The following PARP10 variants were observed in gnomAD, a reference collection of about 807,000 sequenced individuals.
PARP10 encodes poly(ADP-ribose) polymerase family member 10.
In PARP10, 56 loss-of-function variants were observed where a neutral mutation model predicts 82.4. The observed-to-expected ratio is 0.68, with a 90% CI of 0.55 to 0.85. The LOEUF (loss-of-function observed/expected upper bound fraction) is 0.85, where lower values mean the gene tolerates loss of function less well. PARP10 is among the 40% of genes least tolerant of loss of function. The probability of loss-of-function intolerance (pLI) is 0.00; values close to 1 mark genes in which losing one functional copy is unlikely to be tolerated. For missense variants in PARP10, 1,227 were observed against 1,379.4 expected (o/e 0.89, Z 1.75); for synonymous variants, 576 against 601.1 (o/e 0.96, Z 0.61).
At chr8:143,980,015 A>T (rs1833810415) in intron 9 of PARP10, among the ~76,000 whole-genome samples, 1 of 138,618 alleles carries the variant, frequency 7.2e-6, no homozygotes, top group African/African-American at 2.7e-5. Context: ...CCGTCTCAAA[A>T]AAAAAAAAAA....
upstream of PARP10, chr8:143,992,883 G>A: frequency 6.3e-7 from 1 of 1,589,758 alleles, no homozygotes; most frequent in South Asian, 1.1e-5. Context: ...GGCACGGCTG[G>A]CCTGGACCCT....
intron 1 of PARP10, among the ~76,000 whole-genome samples, chr8:143,996,280 G>A (rs1006301750): frequency 4.6e-5 from 7 of 152,212 alleles, no homozygotes; most frequent in East Asian, 1.9e-4. Context: ...AGTTATATAC[G>A]TAAGCAAATA....
At chr8:144,001,115 C>T (rs1340967720) in intron 1 of PARP10, among the ~76,000 whole-genome samples, 3 of 151,682 alleles carry the variant, frequency 2.0e-5, no homozygotes, top group Non-Finnish European at 2.9e-5. Flanking sequence ...GAGGTTTCAC[C>T]GTGTTAGCCA....
upstream of PARP10, chr8:143,993,537 C>T (rs117067278): frequency 6.5e-6 from 1 of 153,564 alleles, no homozygotes; most frequent in Non-Finnish European, 1.4e-5. Flanking sequence ...CAGTGCCAAG[C>T]CTCTGCCCAC....
rs782294053 is a variant in PARP10 at position 143,984,850 on chromosome 8, AG to A, written c.1151del (p.Ser384LeufsTer47). Reference protein sequence around the residue: ...EGPMSLGPVGSAGPVETSKGL... With the variant: ...EGPMSLGPVGXAGPVETSKGL... ...CCTTAGAGGTCTCCACTGGGCCTGC[AG>A]ACCCCACAGGCCCCAGGCTCATGGG... On this transcript the variant is annotated frameshift_variant, in exon 5 of 11. Transcript: ENST00000313028. LOFTEE classifies it high-confidence loss of function. The A allele has an allele frequency of 6.2e-7, 1 of 1,612,390 alleles. No homozygotes were observed. The highest frequency in any genetic ancestry group is 1.3e-5 in the African/African-American group (1 of 74,862).
Position 144,011,964 on chromosome 8 carries a change from G to A in PARP10, c.-80+566C>T, listed in dbSNP as rs1215936236. 6.6e-6 allele frequency among the ~76,000 whole-genome samples: 1 copy of A among 152,192 alleles called. No individual in the cohort carries two copies. Among genetic ancestry groups the A allele is most frequent in the Non-Finnish European group, 1.5e-5 (1 of 68,030 alleles). ...CAGGCATGTTCAAGATCACCAAGAA[G>A]GGGCATCCTGGCCAGGAAGGTGGAG... On this transcript the variant is annotated intron_variant, in intron 1 of 3. Transcript: ENST00000530478. The surrounding 1 kb of genome is among the most constrained non-coding windows in gnomAD (Gnocchi z 4.5).
At chr8:144,002,553 G>T (rs1006488140) in intron 1 of PARP10, among the ~76,000 whole-genome samples, 2 of 151,988 alleles carry the variant, frequency 1.3e-5, no homozygotes, top group Admixed American at 6.6e-5. Context: ...AATTAAAACA[G>T]TGTGGTATTA....
chr8:143,993,977 C>G (rs1452747251), upstream of PARP10, among the ~76,000 whole-genome samples: 2 of 152,226 alleles, frequency 1.3e-5, no homozygotes, highest in Admixed American at 6.5e-5. Flanking sequence ...TCAGCCCCAG[C>G]CTGCAGTGCG....
chr8:143,991,325 G>A (rs782548272), upstream of PARP10: 1 of 1,391,368 alleles, frequency 7.2e-7, no homozygotes, highest in Non-Finnish European at 9.8e-7. Context: ...CCTATGCTCA[G>A]CCTCCCTACC....
At position 143,983,394 on chromosome 8, in the gene PARP10, A is replaced by G. The variant is rs1554748216; in HGVS notation, c.2195T>C (p.Val732Ala). 1.2e-5 allele frequency: 20 copies of G among 1,605,338 alleles called. No homozygotes were observed. The highest frequency in any genetic ancestry group is 1.7e-5 in the Admixed American group (1 of 59,870). ...LDRALRAALEVHVQEETVGPW... is the reference protein window; with the variant it reads ...LDRALRAALEAHVQEETVGPW... ...CCCCACCGTCTCCTCCTGGACGTGG[A>G]CCTCCAAGGCAGCCCTGAGCGCCCG... The change falls in exon 8 of 11, where the codon GTC (valine) becomes GCC (alanine). Residue 732 changes from valine (V) to alanine (A), a missense_variant. Coordinates refer to ENST00000313028, the MANE Select transcript of PARP10 (RefSeq NM_032789.5).
At chr8:143,997,344 G>A (rs1161377715) in intron 1 of PARP10, among the ~76,000 whole-genome samples, 1 of 152,038 alleles carries the variant, frequency 6.6e-6, no homozygotes, top group Non-Finnish European at 1.5e-5. Context: ...CGAGGCTGTC[G>A]TGCAACTCCT....
At chr8:143,991,897 T>C, upstream of PARP10, 1 of 1,612,080 alleles carries the variant, frequency 6.2e-7, no homozygotes, top group East Asian at 2.2e-5. Flanking sequence ...GTGCTGACCT[T>C]GCAGCTGTCG....
upstream of PARP10, among the ~76,000 whole-genome samples, chr8:143,989,316 G>GC (rs1834050614): frequency 6.6e-6 from 1 of 152,250 alleles, no homozygotes; most frequent in Admixed American, 6.5e-5. This position sits in a 1 kb window ranked among gnomAD's most constrained non-coding sequence, Gnocchi z 4.3. Flanking sequence ...CCAAGCCTCA[G>GC]CCCCTCGCAG....
intron 1 of PARP10, among the ~76,000 whole-genome samples, chr8:144,009,474 G>A (rs1834257771): frequency 6.6e-6 from 1 of 152,116 alleles, no homozygotes; most frequent in African/African-American, 2.4e-5. Flanking sequence ...GCTCTACTAG[G>A]CACAGTGGGC....
chr8:143,992,304 C>G, upstream of PARP10: 6 of 1,589,422 alleles, frequency 3.8e-6, no homozygotes, highest in Non-Finnish European at 5.1e-6. Context: ...TCTACAACAC[C>G]GAGGCAGTCA....
chr8:143,994,582 C>G (rs1185658950), upstream of PARP10, among the ~76,000 whole-genome samples: 1 of 152,230 alleles, frequency 6.6e-6, no homozygotes, highest in South Asian at 2.1e-4. Context: ...GCCGGGGGCC[C>G]TGACCCTGCA....
Position 143,985,561 on chromosome 8 carries a change from A to G in PARP10, c.524T>C (p.Val175Ala). Residue 175 changes from valine (V) to alanine (A), a missense_variant, in exon 4 of 11, where the codon GTG becomes GCG. Val to Ala is a moderately conservative substitution (Grantham distance 64, BLOSUM62 0). Coordinates refer to ENST00000313028, the MANE Select transcript of PARP10 (RefSeq NM_032789.5). ...AGAGGCACCATCCCCCACCACACGCACCGCTCGGGCCTGGGGAACCCGGGC... is the reference window on the plus strand; with the variant it reads ...AGAGGCACCATCCCCCACCACACGCGCCGCTCGGGCCTGGGGAACCCGGGC... ...SLARVPQARAVRVVGDGASVD... is the reference protein window; with the variant it reads ...SLARVPQARAARVVGDGASVD... The G allele has an allele frequency of 6.2e-7, 1 of 1,613,766 alleles. No homozygotes were observed. Among genetic ancestry groups the G allele is most frequent in the Non-Finnish European group, 8.5e-7 (1 of 1,179,928 alleles).
At chr8:143,979,319 C>T (rs936763119) in intron 9 of PARP10, among the ~76,000 whole-genome samples, 7 of 152,148 alleles carry the variant, frequency 4.6e-5, no homozygotes, top group African/African-American at 1.2e-4. Flanking sequence ...ATATGCAAAC[C>T]GGAAGAAGTC....
chr8:143,986,655 C>T, upstream of PARP10: 1 of 563,548 alleles, frequency 1.8e-6, no homozygotes, highest in Non-Finnish European at 3.2e-6. Flanking sequence ...CCACTCCAGC[C>T]CCTGGTTGGC....
Sources: allele counts gnomAD v4.1 joint callset (sites outside exome capture counted in the v4.1 genomes callset), GRCh38; gene constraint gnomAD v4.1.1; non-coding constraint Gnocchi (gnomAD v3.1); transcripts MANE v1.5; gene names NCBI Gene and HGNC (gene_info 2026-07-23, HGNC 2026-07-21).